TRDN: variants seen among roughly 807,000 people sequenced by gnomAD.
TRDN encodes triadin in skeletal muscle.
In TRDN, 161 loss-of-function variants were observed where a neutral mutation model predicts 149.7. The observed-to-expected ratio is 1.08, with a 90% CI of 0.95 to 1.23. The LOEUF is 1.23. Among genes scored for constraint, TRDN ranks in the 50% most tolerant of loss-of-function variants. The probability of loss-of-function intolerance (pLI) is 0.00; values close to 1 mark genes in which losing one functional copy is unlikely to be tolerated. For synonymous variants in TRDN, 294 were observed against 250.5 expected, an observed-to-expected ratio of 1.17 and a Z score of -1.64; for missense variants, 896 against 823.5, an observed-to-expected ratio of 1.09 and a Z score of -1.08.
At chr6:123,415,910 T>C (rs532716989) in intron 12 of TRDN, among the ~76,000 whole-genome samples, 1 of 152,320 alleles carries the variant, frequency 6.6e-6, no homozygotes, top group East Asian at 1.9e-4. Flanking sequence ...TATTCTAGTT[T>C]TATATGTGCT....
intron 9 of TRDN, among the ~76,000 whole-genome samples, chr6:123,466,429 C>T (rs755064596): frequency 2.6e-5 from 4 of 152,092 alleles, no homozygotes; most frequent in Non-Finnish European, 5.9e-5. Flanking sequence ...CTGAGGTTAA[C>T]CAGAGTTTAG....
intron 9 of TRDN, among the ~76,000 whole-genome samples, chr6:123,490,648 G>A (rs890878306): frequency 1.3e-5 from 2 of 152,152 alleles, no homozygotes; most frequent in Non-Finnish European, 2.9e-5. Flanking sequence ...TGCTAAAAGA[G>A]CATGTCACAG....
intron 22 of TRDN, 72 bp downstream of exon 22, chr6:123,337,547 T>A: frequency 1.5e-6 from 1 of 668,236 alleles, no homozygotes; most frequent in Non-Finnish European, 2.2e-6. Context: ...GGGATGCAGC[T>A]AATGTACTGT....
intron 22 of TRDN, among the ~76,000 whole-genome samples, chr6:123,334,026 A>T (rs1211475480): frequency 6.6e-6 from 1 of 152,054 alleles, no homozygotes; most frequent in Admixed American, 6.6e-5. Flanking sequence ...ACTGCCTTAC[A>T]CTACCCCCAG....
At chr6:123,382,669 T>C (rs1311702786) in intron 14 of TRDN, among the ~76,000 whole-genome samples, 2 of 152,010 alleles carry the variant, frequency 1.3e-5, no homozygotes, top group Non-Finnish European at 2.9e-5. Flanking sequence ...AAGAAATAGA[T>C]TACTGTTGAC....
chr6:123,601,063 A>C (rs1784253136), intron 1 of TRDN, among the ~76,000 whole-genome samples: 1 of 152,136 alleles, frequency 6.6e-6, no homozygotes, highest in African/African-American at 2.4e-5. Flanking sequence ...TCTCACCAGA[A>C]AAAGTAGACA....
At chr6:123,566,877 T>C (rs1782322037) in intron 2 of TRDN, among the ~76,000 whole-genome samples, 1 of 152,244 alleles carries the variant, frequency 6.6e-6, no homozygotes, top group Admixed American at 6.5e-5. Flanking sequence ...ATAAATCAAA[T>C]ATTTGTAAAG....
chr6:123,594,233 A>C (rs899720391), intron 1 of TRDN, among the ~76,000 whole-genome samples: 9 of 152,144 alleles, frequency 5.9e-5, no homozygotes, highest in African/African-American at 2.2e-4. Context: ...TTTTTCAATA[A>C]ATTGAAATAT....
At chr6:123,222,885 G>A (rs1010330556) in intron 39 of TRDN, among the ~76,000 whole-genome samples, 3 of 151,506 alleles carry the variant, frequency 2.0e-5, no homozygotes, top group East Asian at 3.9e-4. Context: ...ATCAACAAGC[G>A]TATGAAAAAA....
At chr6:123,253,145 T>C (rs1037906218) in intron 37 of TRDN, among the ~76,000 whole-genome samples, 4 of 152,062 alleles carry the variant, frequency 2.6e-5, no homozygotes, top group African/African-American at 9.7e-5. Flanking sequence ...TTATTTATTC[T>C]AATGAGAGGT....
At chr6:123,231,353 A>G (rs1387086506) in intron 38 of TRDN, among the ~76,000 whole-genome samples, 1 of 152,064 alleles carries the variant, frequency 6.6e-6, no homozygotes, top group East Asian at 1.9e-4. Context: ...ACGTAGATCA[A>G]AGAAGTTTTT....
intron 31 of TRDN, among the ~76,000 whole-genome samples, chr6:123,269,044 C>T (rs1051745578): frequency 1.3e-5 from 2 of 151,900 alleles, no homozygotes; most frequent in Non-Finnish European, 2.9e-5. Context: ...CATGCAAGAG[C>T]CAGAATATAT....
chr6:123,373,011 AC>A (rs11329657), intron 19 of TRDN, among the ~76,000 whole-genome samples: 49,026 of 151,866 alleles, frequency 0.32, 8,594 homozygotes, highest in East Asian at 0.72. Flanking sequence ...TCCACACCAC[AC>A]CCTGACACAT....
At chr6:123,225,443 A>T (rs1389555587) in intron 38 of TRDN, among the ~76,000 whole-genome samples, 1 of 151,646 alleles carries the variant, frequency 6.6e-6, no homozygotes, top group Non-Finnish European at 1.5e-5. Flanking sequence ...TATATATCCA[A>T]ATATTTATCA....
At chr6:123,294,986 A>C (rs555391433) in intron 24 of TRDN, among the ~76,000 whole-genome samples, 2 of 152,274 alleles carry the variant, frequency 1.3e-5, no homozygotes, top group East Asian at 3.9e-4. Flanking sequence ...CAGTCCGTTA[A>C]GATTAAGGAG....
chr6:123,486,967 A>C (rs1435628187), intron 9 of TRDN, among the ~76,000 whole-genome samples: 1 of 152,028 alleles, frequency 6.6e-6, no homozygotes, highest in Non-Finnish European at 1.5e-5. Context: ...AAAGGCTAGG[A>C]GACATCAGAT....
At chr6:123,511,315 A>G (rs1036514851) in intron 7 of TRDN, among the ~76,000 whole-genome samples, 16 of 152,218 alleles carry the variant, frequency 1.1e-4, no homozygotes, top group African/African-American at 3.8e-4. Flanking sequence ...ATATTTTAAA[A>G]TAACTAGAGA....
At chr6:123,411,115 C>G (rs186273788) in intron 12 of TRDN, among the ~76,000 whole-genome samples, 1 of 148,754 alleles carries the variant, frequency 6.7e-6, no homozygotes, top group Admixed American at 6.8e-5. Flanking sequence ...GGTGGGATAT[C>G]GGCTCACTGC....
At chr6:123,541,332 T>A (rs1780825173) in intron 4 of TRDN, among the ~76,000 whole-genome samples, 1 of 152,178 alleles carries the variant, frequency 6.6e-6, no homozygotes, top group Non-Finnish European at 1.5e-5. Flanking sequence ...TCATCCTGGG[T>A]CACTTTGCGT....
Sources: gnomAD v4.1 joint callset for allele counts (sites outside exome capture counted in the v4.1 genomes callset) on GRCh38, gnomAD v4.1.1 for gene constraint, MANE v1.5 for transcripts, NCBI Gene and HGNC (gene_info 2026-07-23, HGNC 2026-07-21) for gene names.